The following HDAC9 variants were observed in gnomAD, a reference collection of about 807,000 sequenced individuals.
HDAC9 encodes the protein histone deacetylase 9, also known as MEF-2 interacting transcription repressor (MITR) protein.
Under a neutral mutation model 139.4 loss-of-function variants are expected in HDAC9, and 41 were observed. The ratio of observed to expected loss-of-function variants is 0.29; its 90% confidence interval spans 0.23 to 0.38. The LOEUF (loss-of-function observed/expected upper bound fraction) is 0.38, where lower values mean the gene tolerates loss of function less well. HDAC9 is among the 10% of genes least tolerant of loss of function. HDAC9 has a pLI of 1.00. For synonymous variants in HDAC9, 517 were observed against 476.2 expected, an observed-to-expected ratio of 1.09 and a Z score of -1.12; for missense variants, 1,147 against 1,297.0, an observed-to-expected ratio of 0.88 and a Z score of 1.78.
intron 1 of HDAC9, among the ~76,000 whole-genome samples, chr7:18,098,274 T>A (rs748561632): frequency 1.3e-5 from 2 of 152,232 alleles, no homozygotes; most frequent in African/African-American, 2.4e-5. Flanking sequence ...TTCTAAGTTA[T>A]TGTACATATA....
intron 8 of HDAC9, among the ~76,000 whole-genome samples, chr7:18,643,195 G>A (rs950112913): frequency 5.3e-5 from 8 of 151,980 alleles, no homozygotes; most frequent in Non-Finnish European, 1.2e-4. Flanking sequence ...TTGCCTTTTT[G>A]TGTACAGCAA....
chr7:18,459,518 T>C (rs1350145854), intron 1 of HDAC9, among the ~76,000 whole-genome samples: 1 of 152,168 alleles, frequency 6.6e-6, no homozygotes, highest in Admixed American at 6.5e-5. Flanking sequence ...TAACAGGTAA[T>C]GTAAGCTTCC....
At chr7:18,895,471 T>C (rs1230094811) in intron 22 of HDAC9, among the ~76,000 whole-genome samples, 3 of 152,004 alleles carry the variant, frequency 2.0e-5, no homozygotes, top group African/African-American at 7.2e-5. Context: ...TGCTTGGAAT[T>C]GATAGTATGA....
At chr7:18,197,337 C>A (rs940130246) in intron 2 of HDAC9, among the ~76,000 whole-genome samples, 1 of 152,058 alleles carries the variant, frequency 6.6e-6, no homozygotes, top group African/African-American at 2.4e-5. Context: ...AAGGAATTAA[C>A]AATTACTTAG....
At chr7:18,125,090 C>G (rs1198636292) in intron 1 of HDAC9, among the ~76,000 whole-genome samples, 1 of 151,986 alleles carries the variant, frequency 6.6e-6, no homozygotes, top group Non-Finnish European at 1.5e-5. Context: ...GATAAATAGC[C>G]AGATTTGATG....
chr7:18,920,671 A>G (rs1408282414), intron 22 of HDAC9, among the ~76,000 whole-genome samples: 3 of 152,130 alleles, frequency 2.0e-5, no homozygotes, highest in South Asian at 2.1e-4. Context: ...ATGTCCCATC[A>G]ATACCTAATT....
intron 25 of HDAC9, among the ~76,000 whole-genome samples, chr7:18,990,683 A>T (rs943251575): frequency 8.5e-5 from 13 of 152,152 alleles, no homozygotes; most frequent in African/African-American, 1.2e-4. Flanking sequence ...CAGACTGCTG[A>T]GCTAGCAGTC....
intron 22 of HDAC9, chr7:18,892,158 A>C (rs933361166): frequency 6.6e-6 from 1 of 152,198 alleles, no homozygotes; most frequent in Non-Finnish European, 1.5e-5. Flanking sequence ...TGCGTTCTAC[A>C]GACACGAAGT....
At chr7:18,581,687 TATATC>T in intron 2 of HDAC9, among the ~76,000 whole-genome samples, 1 of 152,168 alleles carries the variant, frequency 6.6e-6, no homozygotes, top group East Asian at 1.9e-4. Flanking sequence ...AAAAATGAAA[TATATC>T]ATTAACTGCC....
chr7:18,461,239 C>G (rs1793820576), intron 1 of HDAC9, among the ~76,000 whole-genome samples: 1 of 152,062 alleles, frequency 6.6e-6, no homozygotes, highest in Admixed American at 6.5e-5. Flanking sequence ...AAACCTAACC[C>G]TTTTTGACAT....
At chr7:18,741,110 T>A (rs1323090648) in intron 13 of HDAC9, among the ~76,000 whole-genome samples, 1 of 152,156 alleles carries the variant, frequency 6.6e-6, no homozygotes, top group Non-Finnish European at 1.5e-5. Flanking sequence ...ATGTAGAAGC[T>A]ACAACACGTT....
chr7:18,880,926 T>C (rs1435845448), intron 22 of HDAC9, among the ~76,000 whole-genome samples: 1 of 151,900 alleles, frequency 6.6e-6, no homozygotes, highest in African/African-American at 2.4e-5. Flanking sequence ...TTCTTTTCAG[T>C]ATCTTCTGAT....
intron 2 of HDAC9, among the ~76,000 whole-genome samples, chr7:18,184,376 G>A (rs1789742576): frequency 6.6e-6 from 1 of 151,982 alleles, no homozygotes; most frequent in Admixed American, 6.6e-5. Context: ...CTCCAGCATG[G>A]GCAACAAGAG....
chr7:18,185,975 A>T (rs1336321748), intron 2 of HDAC9, among the ~76,000 whole-genome samples: 1 of 152,184 alleles, frequency 6.6e-6, no homozygotes, highest in East Asian at 1.9e-4. Context: ...GTGACCATTT[A>T]TTGAGTGTTC....
chr7:18,499,419 C>T (rs950417486), intron 2 of HDAC9, among the ~76,000 whole-genome samples: 25 of 151,910 alleles, frequency 1.6e-4, no homozygotes, highest in Admixed American at 1.6e-3. Context: ...TAATATTGTA[C>T]TAATATATTT....
chr7:18,922,224 A>G (rs1367675823), intron 22 of HDAC9, among the ~76,000 whole-genome samples: 3 of 152,040 alleles, frequency 2.0e-5, no homozygotes, highest in Admixed American at 6.6e-5. Flanking sequence ...AACTTAAACT[A>G]TAATAATAAT....
At chr7:18,358,235 T>C (rs1012046752) in intron 1 of HDAC9, among the ~76,000 whole-genome samples, 3 of 152,166 alleles carry the variant, frequency 2.0e-5, no homozygotes, top group Admixed American at 2.0e-4. Context: ...AGAAGGTGGT[T>C]GTGATCTAGA....
chr7:18,637,658 G>A (rs1333562264), intron 8 of HDAC9, among the ~76,000 whole-genome samples: 1 of 152,042 alleles, frequency 6.6e-6, no homozygotes, highest in Non-Finnish European at 1.5e-5. Context: ...ACCTCATAAT[G>A]AATTAATTGT....
chr7:18,487,233 T>C (rs187112477), intron 1 of HDAC9, among the ~76,000 whole-genome samples: 1 of 152,120 alleles, frequency 6.6e-6, no homozygotes, highest in Admixed American at 6.6e-5. Context: ...AGAAAGTCTG[T>C]TGTAGTAATC....
Sources: allele counts gnomAD v4.1 joint callset (sites outside exome capture counted in the v4.1 genomes callset), GRCh38; gene constraint gnomAD v4.1.1; transcripts MANE v1.5; gene names NCBI Gene and HGNC (gene_info 2026-07-23, HGNC 2026-07-21).